The following CEP295 variants were observed in gnomAD, a reference collection of about 807,000 sequenced individuals.
CEP295 encodes centrosomal protein 295.
In CEP295, 190 loss-of-function variants were observed where a neutral mutation model predicts 291.6. That is an observed-to-expected ratio of 0.65 (90% CI 0.58 to 0.73). The LOEUF is 0.73. Ranked by LOEUF, CEP295 falls within the 30% of genes least tolerant of loss-of-function variation. CEP295 has a pLI of 0.00. For synonymous variants in CEP295, 993 were observed against 1,038.8 expected, an observed-to-expected ratio of 0.96 and a Z score of 0.85; for missense variants, 2,863 against 2,949.4, an observed-to-expected ratio of 0.97 and a Z score of 0.68.
intron 9 of CEP295, among the ~76,000 whole-genome samples, chr11:93,686,024 A>G (rs1327191935): frequency 6.6e-6 from 1 of 151,814 alleles, no homozygotes; most frequent in Non-Finnish European, 1.5e-5. Flanking sequence ...TGTCTTTAAA[A>G]AGATATTCTT....
chr11:93,720,799 G>A (rs1331466626), intron 18 of CEP295, among the ~76,000 whole-genome samples: 1 of 152,122 alleles, frequency 6.6e-6, no homozygotes, highest in Non-Finnish European at 1.5e-5. Context: ...GTTTCACTGT[G>A]TTGCCTAGGC....
chr11:93,687,931 C>T, intron 10 of CEP295, 66 bp downstream of exon 10: 1 of 1,176,334 alleles, frequency 8.5e-7, no homozygotes, highest in Non-Finnish European at 1.2e-6. Flanking sequence ...AGGTTCGTTT[C>T]TGAAAAATCA....
At chr11:93,705,658 G>C (rs747571289) in intron 17 of CEP295, among the ~76,000 whole-genome samples, 16 of 152,050 alleles carry the variant, frequency 1.1e-4, no homozygotes, top group Non-Finnish European at 2.1e-4. Flanking sequence ...GGATTTTTTG[G>C]TTTGGGTTTT....
chr11:93,664,854 G>A (rs977986681), intron 1 of CEP295, among the ~76,000 whole-genome samples: 3 of 152,110 alleles, frequency 2.0e-5, no homozygotes, highest in Non-Finnish European at 2.9e-5. Flanking sequence ...TTACCTGGTA[G>A]TTATTTATTA....
intron 15 of CEP295, among the ~76,000 whole-genome samples, chr11:93,700,598 G>C (rs891908009): frequency 1.1e-4 from 17 of 149,160 alleles, no homozygotes; most frequent in African/African-American, 4.2e-4. Flanking sequence ...GCTAAATTTT[G>C]TATTTTTTTT....
At chr11:93,719,260 T>C (rs79745205) in intron 18 of CEP295, among the ~76,000 whole-genome samples, 4 of 134,702 alleles carry the variant, frequency 3.0e-5, no homozygotes, top group East Asian at 2.2e-4. Context: ...TTTTTTTTTT[T>C]CCTGTTTTTT....
chr11:93,698,755 A>T lies in CEP295; in HGVS notation c.3843A>T (p.Thr1281=), dbSNP rs1001051781. The stretch of plus-strand genomic sequence containing the variant: ...TCAGCCAGAAAACCCAAGAAAATAC[A>T]TCTTCTGAACAAACTGGTTCATCTT... The part of the protein sequence containing the change: ...FHFSQKTQEN[T]SSEQTGSSSF... The change falls in exon 15 of 30, where the codon ACA becomes ACT. Residue 1281 remains threonine, a synonymous_variant. Transcript: ENST00000325212. The T allele has an allele frequency of 1.3e-6, 2 of 1,551,538 alleles. No homozygotes were observed. The highest frequency in any genetic ancestry group is 2.7e-5 in the African/African-American group (2 of 73,038).
At chr11:93,716,191 C>T (rs1953229119) in intron 18 of CEP295, among the ~76,000 whole-genome samples, 1 of 152,160 alleles carries the variant, frequency 6.6e-6, no homozygotes, top group Non-Finnish European at 1.5e-5. Context: ...GTGGATACTT[C>T]CCCTCTGGCT....
At position 93,679,569 on chromosome 11, in the gene CEP295, A is replaced by G; in HGVS notation, c.765+17A>G. ...TTGGCTCAAGTAAGACTTATATTCT[A>G]CCCATGACCATTACTCATGGACTTA... On this transcript the variant is annotated intron_variant, in intron 7 of 29. Coordinates refer to ENST00000325212, the MANE Select transcript of CEP295 (RefSeq NM_033395.2). 6.5e-7 allele frequency: 1 copy of G among 1,547,468 alleles called. No individual in the cohort carries two copies. The highest frequency in any genetic ancestry group is 8.7e-7 in the Non-Finnish European group (1 of 1,144,810).
chr11:93,663,211 G>C (rs1427980558), intron 1 of CEP295, among the ~76,000 whole-genome samples: 1 of 152,216 alleles, frequency 6.6e-6, no homozygotes, highest in Non-Finnish European at 1.5e-5. Flanking sequence ...TGGCAGGCCT[G>C]TTCCTGAGAA....
chr11:93,671,105 A>G (rs1006497567), intron 5 of CEP295, among the ~76,000 whole-genome samples: 1 of 151,900 alleles, frequency 6.6e-6, no homozygotes, highest in South Asian at 2.1e-4. Flanking sequence ...CTGGTCTCGA[A>G]CTCCTGACCT....
chr11:93,671,935 A>G (rs992763102), intron 5 of CEP295, among the ~76,000 whole-genome samples: 15 of 152,166 alleles, frequency 9.9e-5, no homozygotes. Flanking sequence ...AGAAAATATT[A>G]TTTTTTGAGA....
intron 5 of CEP295, among the ~76,000 whole-genome samples, chr11:93,671,261 A>C (rs1280243705): frequency 6.6e-6 from 1 of 152,066 alleles, no homozygotes; most frequent in Non-Finnish European, 1.5e-5. Flanking sequence ...TGGGGTAATA[A>C]TCAATGCCAT....
intron 5 of CEP295, 103 bp downstream of exon 5, chr11:93,669,873 TCTTGTACAATTAAAAA>T (rs767199003): frequency 1.3e-5 from 9 of 696,976 alleles, no homozygotes; most frequent in Non-Finnish European, 2.2e-5. Context: ...GTACAAGTTT[TCTTGTACAATTAAAAA>T]CTTGTACAGG....
rs1156510082 is a variant in CEP295 at position 93,723,367 on chromosome 11, A to G, written c.6196+78A>G. The stretch of plus-strand genomic sequence containing the variant: ...CCTTTCATCATTTTAAATTTTATGC[A>G]GTGATTGTTTGAGCTTCATGTTCTT... On this transcript the variant is annotated intron_variant, in intron 21 of 29. Transcript: ENST00000325212. 5 of 1,093,042 alleles carry G rather than the reference A, an allele frequency of 4.6e-6. No individual in the cohort carries two copies. The East Asian group carries it at 7.8e-5, about 17-fold the overall frequency. 67.7% of individuals were successfully genotyped at this position (1,093,042 alleles called of 1,614,324 possible). A position where few individuals can be genotyped will look rare whatever the true frequency, so the allele number is the denominator to read the frequency against.
In CEP295 at chr11:93,699,692, A is replaced by C. The variant is rs80145928; in HGVS notation, c.4780A>C (p.Lys1594Gln). Residue 1594 changes from lysine to glutamine, a missense_variant, in exon 15 of 30, where the codon AAG becomes CAG. This residue lies in a region of CEP295 where 2,295 missense variants were observed against 2,335.7 expected (regional missense o/e 0.98). Coordinates refer to ENST00000325212, the MANE Select transcript of CEP295 (RefSeq NM_033395.2). ...RLQDRLLSLS[K>Q]PILPQQDNMT... ...ACAGGATAGACTTTTGAGTTTATCA[A>C]AGCCTATTCTGCCTCAGCAAGATAA... 4.0e-3 allele frequency: 6,192 copies of C among 1,551,554 alleles called. 152 individuals carry two copies. In the East Asian group the frequency reaches 0.069, roughly 17 times the overall value.
chr11:93,669,751 C>G lies in CEP295; in HGVS notation c.509C>G (p.Pro170Arg), dbSNP rs775885259. The change falls in exon 5 of 30, where the codon CCT becomes CGT. Residue 170 changes from proline to arginine, a missense_variant. Pro to Arg is a moderately radical substitution (Grantham distance 103, BLOSUM62 -2). Around this residue, in one of 3 missense-constraint regions of CEP295, gnomAD observed 554 missense variants for 576.0 expected, o/e 0.96. Coordinates refer to ENST00000325212, the MANE Select transcript of CEP295 (RefSeq NM_033395.2). Reference protein sequence around the residue: ...RSAKITSLPPPPPTLFENIEV... With the variant: ...RSAKITSLPPRPPTLFENIEV... Reference sequence around the variant, plus strand: ...GCCAAAATTACAAGTCTGCCACCTCCTCCTCCAACTCTTTTTGAGGTGAGT... The same window carrying G: ...GCCAAAATTACAAGTCTGCCACCTCGTCCTCCAACTCTTTTTGAGGTGAGT... 1.1e-5 allele frequency: 17 copies of G among 1,549,834 alleles called. No homozygotes were observed. The highest frequency in any genetic ancestry group is 1.2e-5 in the Non-Finnish European group (14 of 1,145,602).
At chr11:93,682,891 T>A (rs1236446698) in intron 7 of CEP295, among the ~76,000 whole-genome samples, 2 of 152,230 alleles carry the variant, frequency 1.3e-5, no homozygotes, top group Non-Finnish European at 2.9e-5. Flanking sequence ...TTTCAGCCAC[T>A]TTTGTCTGGC....
chr11:93,683,734 CAG>C lies in CEP295; in HGVS notation c.943_944del (p.Asp315GlnfsTer12), dbSNP rs1565445466. On this transcript the variant is annotated frameshift_variant, in exon 8 of 30. Transcript: ENST00000325212. LOFTEE classifies it high-confidence loss of function. ...TTTGCCTTTGAAGATATGTACAATG[CAG>C]ACAGGAGTAAGATATTTTCAGTAGG... The C allele has an allele frequency of 6.5e-7, 1 of 1,535,636 alleles. No individual in the cohort carries two copies. Among genetic ancestry groups the C allele is most frequent in the Admixed American group, 2.2e-5 (1 of 45,500 alleles).
Sources: gnomAD v4.1 joint callset for allele counts (sites outside exome capture counted in the v4.1 genomes callset) on GRCh38, gnomAD v4.1.1 for gene constraint, gnomAD v4.1.1 regional missense constraint, MANE v1.5 for transcripts, NCBI Gene and HGNC (gene_info 2026-07-23, HGNC 2026-07-21) for gene names.